DYNC2I1: variants seen among roughly 807,000 people sequenced by gnomAD.
DYNC2I1 encodes cytoplasmic dynein 2 intermediate chain 1.
In DYNC2I1, 89 loss-of-function variants were observed where a neutral mutation model predicts 133.4. The ratio of observed to expected loss-of-function variants is 0.67; its 90% CI spans 0.56 to 0.80. The LOEUF is 0.80. Ranked by LOEUF, DYNC2I1 falls within the 30% of genes least tolerant of loss-of-function variation. The pLI is 0.00. For missense variants in DYNC2I1, 1,291 were observed against 1,314.5 expected, an observed-to-expected ratio of 0.98 and a Z score of 0.28; for synonymous variants, 504 against 484.3, an observed-to-expected ratio of 1.04 and a Z score of -0.54.
At position 158,870,380 on chromosome 7, in the gene DYNC2I1, G is replaced by A. The variant is rs556371072; in HGVS notation, c.69+472G>A. ...TTTTACTCTTTTTTTTAGAGACAGG[G>A]TCTTACCGTTTTGCCTAGGCCGGAG... On this transcript the variant is annotated intron_variant, in intron 2 of 24. Coordinates refer to ENST00000407559, the MANE Select transcript of DYNC2I1 (RefSeq NM_018051.5). Among the ~76,000 whole-genome samples the A allele has an allele frequency of 2.6e-5, 4 of 151,946 alleles. No homozygotes were observed. In the South Asian group the frequency reaches 8.3e-4, roughly 32 times the overall value.
intron 22 of DYNC2I1, 43 bp from the exon 23 acceptor site, chr7:158,934,375 T>A: frequency 6.3e-7 from 1 of 1,590,054 alleles, no homozygotes; most frequent in Non-Finnish European, 8.5e-7. Flanking sequence ...CAATCTCGTG[T>A]GTAATGCACT....
rs141610908 is a variant in DYNC2I1 at position 158,933,601 on chromosome 7, A to G, written c.2547-528A>G. 1.3e-3 allele frequency among the ~76,000 whole-genome samples: 198 copies of G among 152,362 alleles called. 1 individual carries two copies. Among genetic ancestry groups the G allele is most frequent in the African/African-American group, 4.5e-3 (186 of 41,586 alleles). ...CTGAGTGGGTGTGTGGGAACCCACAAGCTGAGATGTTAGCATCACAGTTCT... is the reference window on the plus strand; with the variant it reads ...CTGAGTGGGTGTGTGGGAACCCACAGGCTGAGATGTTAGCATCACAGTTCT... On this transcript the variant is annotated intron_variant, in intron 21 of 24. Transcript: ENST00000407559.
intron 14 of DYNC2I1, 121 bp downstream of exon 14, chr7:158,914,442 T>C (rs996060612): frequency 1.3e-6 from 1 of 742,404 alleles, no homozygotes; most frequent in African/African-American, 1.8e-5. Flanking sequence ...CAGAATCAGT[T>C]ATTCATTTTC....
chr7:158,859,975 C>T (rs1256262563), intron 1 of DYNC2I1, among the ~76,000 whole-genome samples: 2 of 151,626 alleles, frequency 1.3e-5, no homozygotes. Context: ...TTAGTATAGT[C>T]TATTTCATAA....
At chr7:158,854,863 C>G (rs1841137049), upstream of DYNC2I1, among the ~76,000 whole-genome samples, 1 of 152,190 alleles carries the variant, frequency 6.6e-6, no homozygotes, top group Non-Finnish European at 1.5e-5. Context: ...ATTGGCGTGT[C>G]TTTGTTTAAG....
intron 10 of DYNC2I1, chr7:158,904,216 CTT>C (rs1230427876): frequency 6.6e-6 from 1 of 152,226 alleles, no homozygotes; most frequent in African/African-American, 2.4e-5. Context: ...GAGTGTCAGA[CTT>C]TCTTTAGGGT....
intron 8 of DYNC2I1, among the ~76,000 whole-genome samples, chr7:158,899,973 T>C (rs1472045618): frequency 6.6e-6 from 1 of 152,236 alleles, no homozygotes; most frequent in Non-Finnish European, 1.5e-5. Flanking sequence ...TTTGAAAGTC[T>C]TTATTTCTCC....
chr7:158,948,225 G>A (rs143952081), downstream of DYNC2I1, among the ~76,000 whole-genome samples: 8 of 152,314 alleles, frequency 5.3e-5, no homozygotes, highest in African/African-American at 1.7e-4. Flanking sequence ...TGCGGGAGGC[G>A]GTTCCTTCCC....
intron 11 of DYNC2I1, among the ~76,000 whole-genome samples, chr7:158,910,278 G>A (rs539237590): frequency 6.6e-6 from 1 of 152,386 alleles, no homozygotes; most frequent in African/African-American, 2.4e-5. Flanking sequence ...TGGGCAGAGG[G>A]CCATCGGCCG....
rs920423293 is a variant in DYNC2I1 at position 158,880,117 on chromosome 7, C to T, written c.879+128C>T. The T allele has an allele frequency of 9.0e-5, 95 of 1,050,692 alleles. 1 individual carries two copies. In the South Asian group the frequency reaches 1.4e-3, roughly 15 times the overall value. 65.1% of individuals were successfully genotyped at this position (1,050,692 alleles called of 1,614,324 possible). ...CCTAGTAGTAGTAATTTAGGAAAAA[C>T]GCAACTCAAGTCTTGATTACGTGGT... On this transcript the variant is annotated intron_variant, in intron 5 of 24. Transcript: ENST00000407559.
intron 23 of DYNC2I1, among the ~76,000 whole-genome samples, chr7:158,941,622 C>T (rs1259414746): frequency 2.6e-5 from 4 of 152,212 alleles, no homozygotes; most frequent in Admixed American, 1.3e-4. Context: ...TGGCTCACAC[C>T]TGTACTCCCA....
chr7:158,927,257 G>T (rs535637131), intron 20 of DYNC2I1, among the ~76,000 whole-genome samples: 1 of 151,920 alleles, frequency 6.6e-6, no homozygotes, highest in Non-Finnish European at 1.5e-5. Context: ...TCAAAAATTG[G>T]CTGGGCGTGG....
chr7:158,892,567 G>A (rs1429401315), intron 8 of DYNC2I1, among the ~76,000 whole-genome samples: 5 of 152,110 alleles, frequency 3.3e-5, no homozygotes, highest in Middle Eastern at 3.4e-3. Flanking sequence ...TCAGCCTTTT[G>A]AGTAGTTGGG....
chr7:158,957,741 C>T (rs577364566), downstream of DYNC2I1, among the ~76,000 whole-genome samples: 1 of 152,180 alleles, frequency 6.6e-6, no homozygotes, highest in East Asian at 1.9e-4. Context: ...AGCAAATGCA[C>T]TCGGCACTCG....
intron 8 of DYNC2I1, among the ~76,000 whole-genome samples, chr7:158,899,665 G>A (rs1326595338): frequency 2.0e-5 from 3 of 152,144 alleles, no homozygotes; most frequent in East Asian, 1.9e-4. Flanking sequence ...TGCTATTCTC[G>A]TGATAGTGAA....
chr7:158,915,678 G>A (rs1379247965), intron 14 of DYNC2I1, among the ~76,000 whole-genome samples: 7 of 148,224 alleles, frequency 4.7e-5, no homozygotes, highest in Admixed American at 2.7e-4. Flanking sequence ...GGATGATTGT[G>A]AAACGTCGAC....
intron 1 of DYNC2I1, among the ~76,000 whole-genome samples, chr7:158,862,892 G>A (rs541354799): frequency 3.5e-4 from 54 of 152,148 alleles, no homozygotes; most frequent in Admixed American, 5.9e-4. Flanking sequence ...CGCAGTGAGC[G>A]TTACAGCTCT....
downstream of DYNC2I1, among the ~76,000 whole-genome samples, chr7:158,949,088 C>T (rs888299629): frequency 6.6e-6 from 1 of 152,186 alleles, no homozygotes; most frequent in Admixed American, 6.5e-5. Flanking sequence ...AGAGCAGTTC[C>T]TCCAAGCAGT....
rs560844217 is a variant in DYNC2I1 at position 158,952,770 on chromosome 7, C to G, written c.*57-3813C>G. Among the ~76,000 whole-genome samples the G allele has an allele frequency of 4.0e-5, 6 of 151,894 alleles. No homozygotes were observed. The South Asian group carries it at 1.2e-3, about 32-fold the overall frequency. ...TGGACAGGGAGAAAAGGAGGGTGAA[C>G]CCCCAGCCGCGTCGTAAGACAGAAT... On this transcript the variant is annotated intron_variant and NMD_transcript_variant, in intron 4 of 4. Transcript: ENST00000454771.
Sources: allele counts gnomAD v4.1 joint callset (sites outside exome capture counted in the v4.1 genomes callset), GRCh38; gene constraint gnomAD v4.1.1; transcripts MANE v1.5; gene names NCBI Gene and HGNC (gene_info 2026-07-23, HGNC 2026-07-21).